The following MMP16 variants were observed in gnomAD, a reference collection of about 807,000 sequenced individuals.
MMP16 encodes the protein matrix metallopeptidase 16.
A neutral mutation model predicts 67.8 loss-of-function variants in MMP16; 12 were observed. The observed-to-expected ratio is 0.18, with a 90% CI of 0.11 to 0.29. MMP16 has a LOEUF of 0.29. Among genes scored for constraint, MMP16 ranks in the 10% least tolerant of loss-of-function variants. MMP16 has a pLI of 1.00. For synonymous variants in MMP16, 249 were observed against 255.9 expected, an observed-to-expected ratio of 0.97 and a Z score of 0.26; for missense variants, 475 against 765.7, an observed-to-expected ratio of 0.62 and a Z score of 4.48.
intron 6 of MMP16, among the ~76,000 whole-genome samples, chr8:88,088,438 G>A (rs1168093033): frequency 6.6e-6 from 1 of 151,914 alleles, no homozygotes; most frequent in Non-Finnish European, 1.5e-5. Flanking sequence ...AACAAATTAA[G>A]TGTTTGACTT....
intron 1 of MMP16, among the ~76,000 whole-genome samples, chr8:88,311,053 T>A (rs1259961311): frequency 1.3e-5 from 2 of 152,154 alleles, no homozygotes; most frequent in Non-Finnish European, 2.9e-5. Context: ...ATACTGTGAT[T>A]ATAATTATAT....
chr8:88,212,383 C>T (rs1391516061), intron 1 of MMP16, among the ~76,000 whole-genome samples: 1 of 152,060 alleles, frequency 6.6e-6, no homozygotes, highest in Non-Finnish European at 1.5e-5. Context: ...ATAAAATTGG[C>T]CCTACAAGAA....
chr8:88,326,043 T>C (rs943908138), intron 1 of MMP16, among the ~76,000 whole-genome samples: 1 of 152,096 alleles, frequency 6.6e-6, no homozygotes, highest in African/African-American at 2.4e-5. Flanking sequence ...ATCAACAATA[T>C]AAGAAAAAAA....
intron 1 of MMP16, among the ~76,000 whole-genome samples, chr8:88,261,946 A>T (rs938423556): frequency 1.3e-5 from 2 of 152,166 alleles, no homozygotes; most frequent in Admixed American, 6.5e-5. Flanking sequence ...AGACTCAGAA[A>T]GTACTCTGGC....
intron 1 of MMP16, among the ~76,000 whole-genome samples, chr8:88,272,167 T>C (rs576430008): frequency 4.9e-4 from 74 of 152,326 alleles, no homozygotes; most frequent in Admixed American, 1.2e-3. Flanking sequence ...TGTTGTATTA[T>C]TAGCAGTATT....
At position 88,259,304 on chromosome 8, in the gene MMP16, G is replaced by A. The variant is rs553258822; in HGVS notation, c.133-61998C>T. Among the ~76,000 whole-genome samples the A allele has an allele frequency of 3.9e-4, 60 of 152,254 alleles. 1 individual carries two copies. The South Asian group carries it at 7.3e-3, about 18-fold the overall frequency. ...TCAGGAAATTGGATGCATTTTCAAC[G>A]GAAATGTCTCAAAGAGAGTATATTA... On this transcript the variant is annotated intron_variant, in intron 1 of 9. Transcript: ENST00000286614.
chr8:88,286,257 C>A (rs887210047), intron 1 of MMP16, among the ~76,000 whole-genome samples: 2 of 152,108 alleles, frequency 1.3e-5, no homozygotes, highest in Non-Finnish European at 2.9e-5. Context: ...GTGTAAGAAT[C>A]TCAGAAGACT....
chr8:88,195,142 C>A (rs1320599607), intron 2 of MMP16, among the ~76,000 whole-genome samples: 1 of 152,086 alleles, frequency 6.6e-6, no homozygotes, highest in African/African-American at 2.4e-5. Flanking sequence ...CAAATAAAAC[C>A]TGTGCACATT....
chr8:88,110,989 A>G (rs1809324868), intron 6 of MMP16, among the ~76,000 whole-genome samples: 1 of 151,680 alleles, frequency 6.6e-6, no homozygotes, highest in Middle Eastern at 3.2e-3. Context: ...ATATTTGTCT[A>G]CTATGTTCAG....
At chr8:88,194,872 A>G (rs1196354769) in intron 2 of MMP16, among the ~76,000 whole-genome samples, 1 of 152,154 alleles carries the variant, frequency 6.6e-6, no homozygotes, top group Non-Finnish European at 1.5e-5. Flanking sequence ...ATACAGCTCC[A>G]AACCAAAACA....
intron 4 of MMP16, among the ~76,000 whole-genome samples, chr8:88,146,567 G>C (rs947435395): frequency 7.2e-5 from 11 of 151,772 alleles, no homozygotes; most frequent in African/African-American, 2.7e-4. Flanking sequence ...ACTCATTGTT[G>C]TTTGTAAAAT....
At chr8:88,217,212 A>G (rs543086983) in intron 1 of MMP16, among the ~76,000 whole-genome samples, 125 of 152,166 alleles carry the variant, frequency 8.2e-4, no homozygotes, top group Non-Finnish European at 1.1e-3. Context: ...TAAATAGATA[A>G]TGGTATTTAG....
At chr8:88,258,223 G>A (rs1370428970) in intron 1 of MMP16, among the ~76,000 whole-genome samples, 2 of 152,038 alleles carry the variant, frequency 1.3e-5, no homozygotes, top group Non-Finnish European at 2.9e-5. Flanking sequence ...CAGGGTGCCT[G>A]TGCTAACACC....
chr8:88,238,067 T>C (rs1248962757), intron 1 of MMP16, among the ~76,000 whole-genome samples: 2 of 152,160 alleles, frequency 1.3e-5, no homozygotes, highest in African/African-American at 2.4e-5. Context: ...AATATACCTA[T>C]TGTGTTTATG....
chr8:88,036,890 C>T lies in MMP16; in HGVS notation c.*4571G>A, dbSNP rs746896858. 2.6e-5 allele frequency: 4 copies of T among 151,576 alleles called. No individual in the cohort carries two copies. Among genetic ancestry groups the T allele is most frequent in the African/African-American group, 9.7e-5 (4 of 41,348 alleles). 9.4% of individuals were successfully genotyped at this position (151,576 alleles called of 1,614,324 possible). ...ATCCAGAAGATTGTTTCAGTATATA[C>T]TACAATCTCACAGACTCAATACTAC... On this transcript the variant is annotated 3_prime_UTR_variant, in exon 10 of 10. Transcript: ENST00000286614.
At chr8:88,113,187 A>T (rs78027751) in intron 6 of MMP16, among the ~76,000 whole-genome samples, 1,655 of 151,968 alleles carry the variant, frequency 0.011, 18 homozygotes, top group Non-Finnish European at 0.018. Context: ...CATTTCAATA[A>T]GAAATAATTA....
intron 6 of MMP16, among the ~76,000 whole-genome samples, chr8:88,109,637 C>T (rs1809300553): frequency 6.6e-6 from 1 of 151,140 alleles, no homozygotes; most frequent in African/African-American, 2.4e-5. Flanking sequence ...GTTACTTTTT[C>T]AAAGTTCCTA....
chr8:88,284,517 T>C (rs1296235489), intron 1 of MMP16, among the ~76,000 whole-genome samples: 2 of 151,644 alleles, frequency 1.3e-5, no homozygotes, highest in African/African-American at 4.8e-5. Flanking sequence ...TACTAGATTG[T>C]AGACCTGCTC....
chr8:88,150,745 C>T (rs1808390957), intron 4 of MMP16, among the ~76,000 whole-genome samples: 1 of 149,872 alleles, frequency 6.7e-6, no homozygotes, highest in African/African-American at 2.5e-5. Flanking sequence ...CCGGTACCAG[C>T]CGCTGCAAAA....
Sources: gnomAD v4.1 joint callset for allele counts (sites outside exome capture counted in the v4.1 genomes callset) on GRCh38, gnomAD v4.1.1 for gene constraint, MANE v1.5 for transcripts, NCBI Gene and HGNC (gene_info 2026-07-23, HGNC 2026-07-21) for gene names.